The following SLC25A23 variants were observed in gnomAD, a reference collection of about 807,000 sequenced individuals.
SLC25A23 encodes mitochondrial adenyl nucleotide antiporter SLC25A23.
In SLC25A23, 32 loss-of-function variants were observed where a neutral mutation model predicts 53.9. The ratio of observed to expected loss-of-function variants is 0.59; its 90% confidence interval spans 0.45 to 0.80. The LOEUF is 0.80. Ranked by LOEUF, SLC25A23 falls within the 30% of genes least tolerant of loss-of-function variation. The probability of loss-of-function intolerance (pLI) is 0.00; values close to 1 mark genes in which losing one functional copy is unlikely to be tolerated. For synonymous variants in SLC25A23, 275 were observed against 264.5 expected (o/e 1.04, Z -0.38); for missense variants, 575 against 651.4 (o/e 0.88, Z 1.28).
chr19:6,454,863 G>T lies in SLC25A23; in HGVS notation c.484-146C>A. 1.1e-6 allele frequency: 1 copy of T among 921,402 alleles called. No individual in the cohort carries two copies. The highest frequency in any genetic ancestry group is 2.6e-5 in the East Asian group (1 of 38,008). The allele number at this position is 921,402 out of a possible 1,614,324, so 57.1% of individuals were successfully genotyped here. ...TGCTTGGAGACCCCAGAAGAGTCCTGTTGGGTCCTACCAGGTGTCACCAAA... is the reference window on the plus strand; with the variant it reads ...TGCTTGGAGACCCCAGAAGAGTCCTTTTGGGTCCTACCAGGTGTCACCAAA... On this transcript the variant is annotated intron_variant, in intron 4 of 9. Transcript: ENST00000301454. The surrounding 1 kb of genome is among the most constrained non-coding windows in gnomAD (Gnocchi z 4.3).
In SLC25A23 at chr19:6,441,880, C is replaced by T. The variant is rs370802995; in HGVS notation, c.*95G>A. ...ATCCAGGATCTGGGTACTGGGATCT[C>T]GTGGCCAAAGAGTAGGGATCCTGTG... is the stretch of plus-strand genomic sequence containing the variant. On this transcript the variant is annotated 3_prime_UTR_variant, in exon 10 of 10. Transcript: ENST00000301454. 36 of 1,211,040 alleles carry T rather than the reference C, an allele frequency of 3.0e-5. 1 individual carries two copies. The highest frequency in any genetic ancestry group is 1.0e-4 in the South Asian group (8 of 76,792). 75.0% of individuals were successfully genotyped at this position (1,211,040 alleles called of 1,614,324 possible). A position where few individuals can be genotyped will look rare whatever the true frequency, so the allele number is the denominator to read the frequency against.
rs1479172898 is a variant in SLC25A23 at position 6,459,086 on chromosome 19, G to A, written c.156+387C>T. 6.6e-6 allele frequency among the ~76,000 whole-genome samples: 1 copy of A among 152,236 alleles called. No individual in the cohort carries two copies. The highest frequency in any genetic ancestry group is 6.5e-5 in the Admixed American group (1 of 15,290). ...AACACAGGGATCGGGGCAGCTGCAGGCCAGGGCAGTAGGTGCCCAGAGGAT... is the reference window on the plus strand; with the variant it reads ...AACACAGGGATCGGGGCAGCTGCAGACCAGGGCAGTAGGTGCCCAGAGGAT... On this transcript the variant is annotated intron_variant, in intron 1 of 9. Coordinates refer to ENST00000301454, the MANE Select transcript of SLC25A23 (RefSeq NM_024103.3). The surrounding 1 kb of genome is among the most constrained non-coding windows in gnomAD (Gnocchi z 4.6).
chr19:6,439,909 C>A (rs1440168767), downstream of SLC25A23, among the ~76,000 whole-genome samples: 1 of 152,010 alleles, frequency 6.6e-6, no homozygotes, highest in Admixed American at 6.6e-5. Context: ...TCCCCTGCTC[C>A]CATTTTATAG....
chr19:6,449,857 C>CTTTTT (rs142681286), intron 8 of SLC25A23, among the ~76,000 whole-genome samples: 2 of 127,180 alleles, frequency 1.6e-5, no homozygotes, highest in African/African-American at 7.9e-5. Context: ...ACTCACAACT[C>CTTTTT]TTTTTTTTTT....
In SLC25A23 at chr19:6,458,210, G is replaced by C. The variant is rs1048175107; in HGVS notation, c.271C>G (p.Arg91Gly). 2 of 1,613,456 alleles carry C rather than the reference G, an allele frequency of 1.2e-6. No individual in the cohort carries two copies. Among genetic ancestry groups the C allele is most frequent in the East Asian group, 4.5e-5 (2 of 44,876 alleles). Residue 91 changes from arginine to glycine, a missense_variant, in exon 2 of 10, where the codon CGG becomes GGG. Arg to Gly is a moderately radical substitution (Grantham distance 125). Coordinates refer to ENST00000301454, the MANE Select transcript of SLC25A23 (RefSeq NM_024103.3). ...CGCCCGACCTTACCATCCTGGTTCC[G>C]GTCAAGACTGTGAAACATGAGCAGC... is the stretch of plus-strand genomic sequence containing the variant. ...RLLLMFHSLD[R>G]NQDGHIDVSE...
chr19:6,439,723 A>G (rs1457293690), downstream of SLC25A23, among the ~76,000 whole-genome samples: 9 of 151,664 alleles, frequency 5.9e-5, no homozygotes, highest in Non-Finnish European at 8.8e-5. Flanking sequence ...CCAGCTACTC[A>G]GGAGGCTGAG....
chr19:6,441,759 G>T lies in SLC25A23; in HGVS notation c.*216C>A. Reference sequence around the variant, plus strand: ...TGGGATCTAGTGGCTGAAGGGTGGGGATCGCATGACCCAGTGGTTGGGGCA... The same window carrying T: ...TGGGATCTAGTGGCTGAAGGGTGGGTATCGCATGACCCAGTGGTTGGGGCA... On this transcript the variant is annotated 3_prime_UTR_variant, in exon 10 of 10. Coordinates refer to ENST00000301454, the MANE Select transcript of SLC25A23 (RefSeq NM_024103.3). 1 of 574,964 alleles carries T rather than the reference G, an allele frequency of 1.7e-6. No individual in the cohort carries two copies. 35.6% of individuals were successfully genotyped at this position (574,964 alleles called of 1,614,324 possible). A position where few individuals can be genotyped will look rare whatever the true frequency, so the allele number is the denominator to read the frequency against.
At chr19:6,453,784 C>A (rs1037317568) in intron 7 of SLC25A23, among the ~76,000 whole-genome samples, 197 bp downstream of exon 7, 21 of 152,226 alleles carry the variant, frequency 1.4e-4, no homozygotes, top group Non-Finnish European at 3.1e-4. Context: ...ACCGACACTA[C>A]CTTCCCCAGA....
intron 8 of SLC25A23, among the ~76,000 whole-genome samples, chr19:6,444,949 G>A (rs2092481141): frequency 6.6e-6 from 1 of 152,074 alleles, no homozygotes; most frequent in African/African-American, 2.4e-5. Context: ...TTACAGGAAT[G>A]AGCCACAGTA....
In SLC25A23 at chr19:6,442,064, G is replaced by A; in HGVS notation, c.1318C>T (p.Pro440Ser). The change falls in exon 10 of 10, where the codon CCC becomes TCC. Residue 440 changes from proline to serine, a missense_variant. Coordinates refer to ENST00000301454, the MANE Select transcript of SLC25A23 (RefSeq NM_024103.3). ...GMRGLYRGIAPNFMKVIPAVS... is the reference protein window; with the variant it reads ...GMRGLYRGIASNFMKVIPAVS... ...GCTGGAATAACCTTCATGAAGTTGGGGGCGATCCCCCGGTAGAGGCCCCGC... is the reference window on the plus strand; with the variant it reads ...GCTGGAATAACCTTCATGAAGTTGGAGGCGATCCCCCGGTAGAGGCCCCGC... The A allele has an allele frequency of 1.2e-6, 2 of 1,613,660 alleles. No individual in the cohort carries two copies. Among genetic ancestry groups the A allele is most frequent in the South Asian group, 2.2e-5 (2 of 91,016 alleles).
chr19:6,457,374 T>G, intron 3 of SLC25A23, 129 bp downstream of exon 3: 1 of 810,736 alleles, frequency 1.2e-6, no homozygotes, highest in Non-Finnish European at 2.0e-6. Flanking sequence ...GCCAGATCTG[T>G]CTGACTTCAA....
chr19:6,451,481 T>C (rs951165328), intron 8 of SLC25A23, among the ~76,000 whole-genome samples: 1 of 152,256 alleles, frequency 6.6e-6, no homozygotes, highest in Non-Finnish European at 1.5e-5. Context: ...TGGGGCTCTC[T>C]GCGACTTCAC....
rs1170050510 is a variant in SLC25A23 at position 6,442,250 on chromosome 19, T to C, written c.1223-91A>G. 4.6e-6 allele frequency: 4 copies of C among 866,368 alleles called. No homozygotes were observed. The East Asian group carries it at 1.1e-4, about 23-fold the overall frequency. The allele number at this position is 866,368 out of a possible 1,614,324, so 53.7% of individuals were successfully genotyped here. A position where few individuals can be genotyped will look rare whatever the true frequency, so the allele number is the denominator to read the frequency against. ...CCAGGGTTGGGCCAGGTGGTGTCAT[T>C]GCAGCAGGAGGGAAGGAGGTTAGAC... is the stretch of plus-strand genomic sequence containing the variant. On this transcript the variant is annotated intron_variant, in intron 9 of 9. Transcript: ENST00000301454.
rs540166165 is a variant in SLC25A23 at position 6,457,071 on chromosome 19, T to C, written c.371+432A>G. On this transcript the variant is annotated intron_variant, in intron 3 of 9. Transcript: ENST00000301454. ...TCAATTTGAATTTTTCTTTCTTTTT[T>C]TTTTTTTTTTTCCAGAAGGAGTCTC... Among the ~76,000 whole-genome samples, 48 of 151,184 alleles carry C rather than the reference T, an allele frequency of 3.2e-4. 1 individual carries two copies. The South Asian group carries it at 8.0e-3, about 25-fold the overall frequency.
At chr19:6,445,196 G>A (rs1413810345) in intron 8 of SLC25A23, among the ~76,000 whole-genome samples, 1 of 151,130 alleles carries the variant, frequency 6.6e-6, no homozygotes, top group Admixed American at 6.6e-5. Flanking sequence ...TGCAACCTCC[G>A]CCTCCTGGCT....
chr19:6,457,217 C>T (rs2092694520), intron 3 of SLC25A23, among the ~76,000 whole-genome samples: 1 of 151,968 alleles, frequency 6.6e-6, no homozygotes, highest in Admixed American at 6.6e-5. Context: ...CAGGCATGCA[C>T]CACCACGCCT....
intron 9 of SLC25A23, 128 bp from the exon 10 acceptor site, chr19:6,442,287 C>A (rs867671766): frequency 4.7e-6 from 3 of 637,554 alleles, no homozygotes; most frequent in African/African-American, 1.8e-5. Flanking sequence ...AACAGTGGGA[C>A]CTACCACTCA....
At chr19:6,457,713 T>G in intron 2 of SLC25A23, 123 bp from the exon 3 acceptor site, 1 of 783,108 alleles carries the variant, frequency 1.3e-6, no homozygotes, top group Non-Finnish European at 2.1e-6. Flanking sequence ...TCCAGAAACC[T>G]AGGAGGAGGT....
At position 6,454,653 on chromosome 19, in the gene SLC25A23, C is replaced by T. The variant is rs1486510541; in HGVS notation, c.548G>A (p.Gly183Asp). ...GGCCACCAGCTGTTTCCACCACATG[C>T]CCGTCAGCTTCTCTTGCTTTGAGAA... is the stretch of plus-strand genomic sequence containing the variant. Reference protein sequence around the residue: ...DEFSKQEKLTGMWWKQLVAGA... With the variant: ...DEFSKQEKLTDMWWKQLVAGA... The change falls in exon 5 of 10, where the codon GGC becomes GAC. Residue 183 changes from glycine (G) to aspartate (D), a missense_variant. Coordinates refer to ENST00000301454, the MANE Select transcript of SLC25A23 (RefSeq NM_024103.3). The surrounding 1 kb of genome is among the most constrained non-coding windows in gnomAD (Gnocchi z 4.3). The T allele has an allele frequency of 1.9e-6, 3 of 1,614,120 alleles. No homozygotes were observed. The South Asian group carries it at 3.3e-5, about 18-fold the overall frequency.
Sources: allele counts gnomAD v4.1 joint callset (sites outside exome capture counted in the v4.1 genomes callset), GRCh38; gene constraint gnomAD v4.1.1; non-coding constraint Gnocchi (gnomAD v3.1); transcripts MANE v1.5; gene names NCBI Gene and HGNC (gene_info 2026-07-23, HGNC 2026-07-21).